Variants in MOV10 observed in about 807,000 individuals in gnomAD.
MOV10 encodes Mov10 RNA helicase, also known as RNA helicase MOV-10.
In MOV10, 39 loss-of-function variants were observed where a neutral mutation model predicts 108.4. The ratio of observed to expected loss-of-function variants is 0.36; its 90% confidence interval spans 0.28 to 0.47. The LOEUF (loss-of-function observed/expected upper bound fraction) is 0.47, where lower values mean the gene tolerates loss of function less well. MOV10 is among the 20% of genes least tolerant of loss of function. The pLI is 1.00. For missense variants in MOV10, 952 were observed against 1,297.6 expected, an observed-to-expected ratio of 0.73 and a Z score of 4.09; for synonymous variants, 490 against 523.1, an observed-to-expected ratio of 0.94 and a Z score of 0.86.
chr1:112,690,879 GTC>G (rs965843342), intron 5 of MOV10, among the ~76,000 whole-genome samples: 1 of 152,138 alleles, frequency 6.6e-6, no homozygotes, highest in Non-Finnish European at 1.5e-5. Context: ...TCTACTTCCT[GTC>G]TCTGTAGATT....
At chr1:112,677,236 A>G (rs1415591684) in intron 2 of MOV10, among the ~76,000 whole-genome samples, 1 of 152,222 alleles carries the variant, frequency 6.6e-6, no homozygotes, top group Non-Finnish European at 1.5e-5. Context: ...AAAAATAGAA[A>G]AATCAGACAG....
intron 2 of MOV10, chr1:112,688,512 C>T: frequency 9.2e-7 from 1 of 1,084,254 alleles, no homozygotes; most frequent in Non-Finnish European, 1.1e-6. Context: ...CACATCCACC[C>T]CTCTGAATCA....
rs1365544559 is a variant in MOV10, at chr1:112,675,351, A to G, written c.137+302A>G. 6.6e-6 allele frequency among the ~76,000 whole-genome samples: 1 copy of G among 152,042 alleles called. No homozygotes were observed. The highest frequency in any genetic ancestry group is 2.4e-5 in the African/African-American group (1 of 41,424). ...GGGCCGGGAGCTGCGTCCCGCGTCC[A>G]TGCGCCGCTCGCGGGGGCTGAGGGA... On this transcript the variant is annotated intron_variant, in intron 2 of 20. Transcript: ENST00000369645. The surrounding 1 kb of genome is among the most constrained non-coding windows in gnomAD (Gnocchi z 4.7).
chr1:112,698,508 G>A (rs753607689), intron 16 of MOV10, 30 bp downstream of exon 16: 3 of 1,605,632 alleles, frequency 1.9e-6, no homozygotes, highest in Non-Finnish European at 2.6e-6. Flanking sequence ...GCAAGGGTGG[G>A]GCCCCTCCCC....
At position 112,698,374 on chromosome 1, in the gene MOV10, A is replaced by C. The variant is rs1570811554; in HGVS notation, c.2404A>C (p.Thr802Pro). ...PSFFNPEEAA[T>P]VTSYLKLLLA... ...CTTCTTCAACCCTGAAGAGGCTGCC[A>C]CAGTGACTTCCTACCTGAAGCTGCT... Residue 802 changes from threonine (T) to proline (P), a missense_variant, in exon 16 of 21, where the codon ACA becomes CCA. Thr to Pro is a conservative substitution (Grantham distance 38, BLOSUM62 -1). This residue lies in a region of MOV10 where 453 missense variants were observed against 611.5 expected (regional missense o/e 0.74). Coordinates refer to ENST00000369645, the MANE Select transcript of MOV10 (RefSeq NM_001321324.2). The C allele has an allele frequency of 6.2e-7, 1 of 1,614,204 alleles. No individual in the cohort carries two copies.
At chr1:112,680,655 C>CA (rs1229116415) in intron 2 of MOV10, among the ~76,000 whole-genome samples, 8,904 of 35,582 alleles carry the variant, frequency 0.25, 1,409 homozygotes, top group East Asian at 0.52. Context: ...GACTCCGTCT[C>CA]AAAAAAAAAA....
rs755174132 is a variant in MOV10 at position 112,694,148 on chromosome 1, G to A, written c.1271G>A (p.Arg424His). 22 of 1,614,000 alleles carry A rather than the reference G, an allele frequency of 1.4e-5. No individual in the cohort carries two copies. Among genetic ancestry groups the A allele is most frequent in the Admixed American group, 6.7e-5 (4 of 60,002 alleles). ...TTTGTGCACAAGGTGGAATTGGACC[G>A]TGTCAAGCTGAGCTTTTCCATGAGG... ...KGFVHKVELDRVKLSFSMSLL... is the reference protein window; with the variant it reads ...KGFVHKVELDHVKLSFSMSLL... Residue 424 changes from arginine (R) to histidine (H), a missense_variant, in exon 8 of 21, where the codon CGT becomes CAT. By Grantham distance (29) the Arg-to-His change is conservative. Transcript: ENST00000369645. This position sits in a 1 kb window ranked among gnomAD's most constrained non-coding sequence, Gnocchi z 4.1.
intron 17 of MOV10, chr1:112,699,209 A>ACAC (rs1457223944): frequency 4.5e-5 from 10 of 224,666 alleles, no homozygotes; most frequent in Non-Finnish European, 8.8e-5. Flanking sequence ...ACCAGCTCAT[A>ACAC]CAGCTATCGG....
At chr1:112,678,580 G>A (rs1282701978) in intron 2 of MOV10, among the ~76,000 whole-genome samples, 1 of 152,010 alleles carries the variant, frequency 6.6e-6, no homozygotes, top group Non-Finnish European at 1.5e-5. Context: ...CTTAGGCAGA[G>A]GTTTCTTGGG....
rs1674462445 is a variant in MOV10, at chr1:112,699,729, C to T, written c.2628C>T (p.Ile876=). The change falls in exon 18 of 21, where the codon ATC becomes ATT. Residue 876 remains isoleucine, a synonymous_variant. Transcript: ENST00000369645. ...TCCAAGGCCAAGAACGAAGCGTCAT[C>T]CTCATCTCCACCGTGCGAAGCAGCC... ...EEFQGQERSV[I]LISTVRSSQS... is the part of the protein sequence containing the mutation. The T allele has an allele frequency of 6.2e-7, 1 of 1,614,132 alleles. No homozygotes were observed.
intron 2 of MOV10, among the ~76,000 whole-genome samples, chr1:112,676,299 T>C (rs533658083): frequency 2.5e-4 from 38 of 152,292 alleles, no homozygotes; most frequent in African/African-American, 8.9e-4. Context: ...AGGATTATAC[T>C]AGGGATGGTA....
intron 5 of MOV10, 103 bp downstream of exon 5, chr1:112,690,201 A>G (rs1673459593): frequency 7.1e-7 from 1 of 1,417,948 alleles, no homozygotes; most frequent in Non-Finnish European, 9.5e-7. Context: ...CCCTTTTCCT[A>G]CAGGCTCTTC....
intron 1 of MOV10, 46 bp from the exon 2 acceptor site, chr1:112,674,802 G>A: frequency 9.0e-7 from 1 of 1,111,820 alleles, no homozygotes; most frequent in Non-Finnish European, 1.3e-6. Flanking sequence ...AGAGTTAGGG[G>A]GCTTCCCTCC....
chr1:112,676,840 A>G (rs988742692), intron 2 of MOV10, among the ~76,000 whole-genome samples: 1 of 152,198 alleles, frequency 6.6e-6, no homozygotes, highest in Non-Finnish European at 1.5e-5. Context: ...GGCAAGGTCA[A>G]GGGCTAGTCA....
At position 112,695,556 on chromosome 1, in the gene MOV10, G is replaced by C; in HGVS notation, c.1761G>C (p.Met587Ile). The stretch of plus-strand genomic sequence containing the variant: ...TGGCCCCCAGCAGGGACATCCGCAT[G>C]GTACCTGAGGACATCAAGGTACTAG... ...RLLAPSRDIR[M>I]VPEDIKPCCN... Residue 587 changes from methionine (M) to isoleucine (I), a missense_variant, in exon 11 of 21, where the codon ATG becomes ATC. Coordinates refer to ENST00000369645, the MANE Select transcript of MOV10 (RefSeq NM_001321324.2). 1 of 1,614,034 alleles carries C rather than the reference G, an allele frequency of 6.2e-7. No homozygotes were observed. Among genetic ancestry groups the C allele is most frequent in the South Asian group, 1.1e-5 (1 of 91,084 alleles).
At chr1:112,691,540 C>G in intron 5 of MOV10, 125 bp from the exon 6 acceptor site, 1 of 1,203,036 alleles carries the variant, frequency 8.3e-7, no homozygotes, top group Middle Eastern at 3.0e-4. Context: ...ACCCTTGGAG[C>G]GAGGCTGCTG....
chr1:112,688,875 CGCCCTGCCTCCCTCGA>C (rs1673304090), intron 2 of MOV10, 44 bp from the exon 3 acceptor site: 1 of 1,606,664 alleles, frequency 6.2e-7, no homozygotes. Flanking sequence ...TCCCACCCGC[CGCCCTGCCTCCCTCGA>C]GCCCTGCCTT....
intron 2 of MOV10, among the ~76,000 whole-genome samples, chr1:112,682,708 T>G (rs1008781287): frequency 6.6e-6 from 1 of 152,194 alleles, no homozygotes; most frequent in Non-Finnish European, 1.5e-5. Context: ...AGAAATTCAT[T>G]TAATGGAATC....
chr1:112,696,477 A>G lies in MOV10; in HGVS notation c.1924A>G (p.Ile642Val). The change falls in exon 13 of 21, where the codon ATC becomes GTC. Residue 642 changes from isoleucine to valine, a missense_variant. Ile to Val is a conservative substitution (Grantham distance 29). Transcript: ENST00000369645. ...AQFPIDHFTH[I>V]FIDEAGHCME... ...GTTTCCCATTGATCACTTCACACAC[A>G]TCTTCATCGATGAGGCTGGCCACTG... 1 of 1,614,086 alleles carries G rather than the reference A, an allele frequency of 6.2e-7. No homozygotes were observed.
Sources: gnomAD v4.1 joint callset for allele counts (sites outside exome capture counted in the v4.1 genomes callset) on GRCh38, gnomAD v4.1.1 for gene constraint, gnomAD v4.1.1 regional missense constraint, Gnocchi (gnomAD v3.1) non-coding constraint, MANE v1.5 for transcripts, NCBI Gene and HGNC (gene_info 2026-07-23, HGNC 2026-07-21) for gene names.